Variants in MYO1E observed in about 807,000 individuals in gnomAD.
MYO1E encodes myosin IE.
In MYO1E, 68 loss-of-function variants were observed where a neutral mutation model predicts 151.1. The ratio of observed to expected loss-of-function variants is 0.45; its 90% CI spans 0.37 to 0.55. MYO1E has a LOEUF of 0.55. Among genes scored for constraint, MYO1E ranks in the 20% least tolerant of loss-of-function variants. The pLI is 0.00. For missense variants in MYO1E, 1,363 were observed against 1,389.3 expected, an observed-to-expected ratio of 0.98 and a Z score of 0.30; for synonymous variants, 601 against 501.7, an observed-to-expected ratio of 1.20 and a Z score of -2.64.
intron 1 of MYO1E, among the ~76,000 whole-genome samples, chr15:59,297,031 T>A (rs2080453771): frequency 1.3e-5 from 1 of 74,960 alleles, no homozygotes; most frequent in Non-Finnish European, 3.4e-5. Flanking sequence ...TTTTGTGTTT[T>A]TTTGTAGAGA....
intron 1 of MYO1E, among the ~76,000 whole-genome samples, chr15:59,335,981 G>C (rs1049706704): frequency 2.0e-5 from 3 of 150,530 alleles, no homozygotes; most frequent in Non-Finnish European, 4.4e-5. Context: ...AACAAGTCCT[G>C]CAGCAACTCA....
chr15:59,337,583 C>A (rs1472273582), intron 1 of MYO1E, among the ~76,000 whole-genome samples: 7 of 152,222 alleles, frequency 4.6e-5, no homozygotes, highest in Admixed American at 1.3e-4. Flanking sequence ...GTAATCCCAG[C>A]ACTTTGGGCA....
intron 1 of MYO1E, among the ~76,000 whole-genome samples, chr15:59,332,708 C>A (rs375693238): frequency 6.6e-6 from 1 of 152,006 alleles, no homozygotes; most frequent in Non-Finnish European, 1.5e-5. Context: ...ACTTTGCTGG[C>A]GCTCTATTTT....
intron 3 of MYO1E, among the ~76,000 whole-genome samples, chr15:59,256,841 G>A (rs2080196688): frequency 6.6e-6 from 1 of 152,162 alleles, no homozygotes; most frequent in Non-Finnish European, 1.5e-5. Flanking sequence ...AAGAGGCCAC[G>A]TTGTAGATTC....
chr15:59,273,820 A>G (rs2080302522), intron 1 of MYO1E, among the ~76,000 whole-genome samples: 1 of 152,158 alleles, frequency 6.6e-6, no homozygotes, highest in Non-Finnish European at 1.5e-5. Context: ...GCCAGTGGGT[A>G]AGTGCAGTGG....
At position 59,155,285 on chromosome 15, in the gene MYO1E, C is replaced by A. The variant is rs549184626; in HGVS notation, c.2879-1494G>T. 1.3e-5 allele frequency among the ~76,000 whole-genome samples: 2 copies of A among 152,284 alleles called. 1 individual carries two copies. Among genetic ancestry groups the A allele is most frequent in the South Asian group, 4.1e-4 (2 of 4,826 alleles). Reference sequence around the variant, plus strand: ...GGCAGTTTGACAGATCTATTTCATGCCTGTTGCATCTTATAATAAGACATT... The same window carrying A: ...GGCAGTTTGACAGATCTATTTCATGACTGTTGCATCTTATAATAAGACATT... On this transcript the variant is annotated intron_variant, in intron 25 of 27. Coordinates refer to ENST00000288235, the MANE Select transcript of MYO1E (RefSeq NM_004998.4).
chr15:59,162,661 A>G (rs1355948907), intron 23 of MYO1E, among the ~76,000 whole-genome samples: 21 of 55,504 alleles, frequency 3.8e-4, no homozygotes, highest in African/African-American at 1.3e-3. Context: ...AAAAAAAAGA[A>G]AAAAAAAAAA....
intron 1 of MYO1E, among the ~76,000 whole-genome samples, chr15:59,294,888 AAT>A (rs2080440133): frequency 6.6e-6 from 1 of 152,152 alleles, no homozygotes; most frequent in Non-Finnish European, 1.5e-5. Context: ...ACCTGGACCA[AAT>A]ATCCTGCATG....
At chr15:59,247,993 T>C (rs189727369) in intron 4 of MYO1E, among the ~76,000 whole-genome samples, 378 of 151,838 alleles carry the variant, frequency 2.5e-3, no homozygotes, top group Non-Finnish European at 4.0e-3. Context: ...CCAGGTGTCA[T>C]GGCACACCCC....
At chr15:59,153,239 C>A (rs2079491824) in intron 26 of MYO1E, among the ~76,000 whole-genome samples, 1 of 152,198 alleles carries the variant, frequency 6.6e-6, no homozygotes, top group African/African-American at 2.4e-5. Context: ...TGTATTTATG[C>A]AACTGCAGGC....
In MYO1E at chr15:59,133,049, A is replaced by C. The variant is rs1313219436; in HGVS notation, c.*4331T>G. ...TGAAAGGCTGACACAGTAGACCATC[A>C]CATTACTAAATATCTGTTGAATTGG... On this transcript the variant is annotated 3_prime_UTR_variant, in exon 28 of 28. Transcript: ENST00000288235. 1.3e-5 allele frequency: 2 copies of C among 152,232 alleles called. No individual in the cohort carries two copies. The highest frequency in any genetic ancestry group is 4.8e-5 in the African/African-American group (2 of 41,454). 9.4% of individuals were successfully genotyped at this position (152,232 alleles called of 1,614,324 possible). A position where few individuals can be genotyped will look rare whatever the true frequency, so the allele number is the denominator to read the frequency against.
At chr15:59,283,283 T>A (rs1054391895) in intron 1 of MYO1E, among the ~76,000 whole-genome samples, 7 of 152,104 alleles carry the variant, frequency 4.6e-5, no homozygotes, top group African/African-American at 1.7e-4. Flanking sequence ...GTGCTTTGTT[T>A]CTGTTTTTCC....
intron 4 of MYO1E, 95 bp downstream of exon 4, chr15:59,256,189 G>C: frequency 1.1e-6 from 1 of 892,294 alleles, no homozygotes; most frequent in East Asian, 2.5e-5. Flanking sequence ...TGTGACATCA[G>C]TAGCTGTTGC....
At chr15:59,346,204 G>C (rs2080793233) in intron 1 of MYO1E, among the ~76,000 whole-genome samples, 1 of 152,046 alleles carries the variant, frequency 6.6e-6, no homozygotes, top group Non-Finnish European at 1.5e-5. Context: ...ATGACGAGGT[G>C]CATCACTGAA....
intron 1 of MYO1E, among the ~76,000 whole-genome samples, chr15:59,342,487 C>A (rs189666593): frequency 6.6e-6 from 1 of 152,328 alleles, no homozygotes; most frequent in East Asian, 1.9e-4. Flanking sequence ...AGATTTAGGT[C>A]ATTCATCCAT....
chr15:59,214,251 C>G lies in MYO1E; in HGVS notation c.1252G>C (p.Glu418Gln), dbSNP rs768932544. Residue 418 changes from glutamate to glutamine, a missense_variant, in exon 12 of 28, where the codon GAA (glutamate) becomes CAA (glutamine). By Grantham distance (29) the Glu-to-Gln change is conservative. Transcript: ENST00000288235. ...VNEKLQQIFIELTLKAEQEEY... is the reference protein window; with the variant it reads ...VNEKLQQIFIQLTLKAEQEEY... ...ACCTGTTCTGCCTTTAATGTCAGTT[C>G]AATAAAAATCTGCTGCAGTTTTTCA... is the stretch of plus-strand genomic sequence containing the variant. 1.2e-6 allele frequency: 2 copies of G among 1,612,866 alleles called. No individual in the cohort carries two copies. The highest frequency in any genetic ancestry group is 4.5e-5 in the East Asian group (2 of 44,812).
At chr15:59,361,520 TGTTA>T (rs544359678) in intron 1 of MYO1E, among the ~76,000 whole-genome samples, 7 of 152,272 alleles carry the variant, frequency 4.6e-5, no homozygotes, top group African/African-American at 1.7e-4. Flanking sequence ...TTCAAGACAA[TGTTA>T]GTTGTAATTC....
intron 6 of MYO1E, 58 bp downstream of exon 6, chr15:59,231,644 T>C (rs1475939653): frequency 1.3e-5 from 21 of 1,559,862 alleles, no homozygotes; most frequent in Non-Finnish European, 1.8e-5. Flanking sequence ...TAGACTTCAG[T>C]CAGAAGCATC....
At chr15:59,212,817 G>C (rs1252075897) in intron 12 of MYO1E, 2 of 152,164 alleles carry the variant, frequency 1.3e-5, no homozygotes, top group African/African-American at 2.4e-5. Flanking sequence ...AAGAGACGGA[G>C]ATTTGGATAT....
Sources: gnomAD v4.1 joint callset for allele counts (sites outside exome capture counted in the v4.1 genomes callset) on GRCh38, gnomAD v4.1.1 for gene constraint, MANE v1.5 for transcripts, NCBI Gene and HGNC (gene_info 2026-07-23, HGNC 2026-07-21) for gene names.